The following RSRC1 variants were observed in gnomAD, a reference collection of about 807,000 sequenced individuals.
RSRC1 encodes the protein serine/Arginine-related protein 53.
In RSRC1, 39 loss-of-function variants were observed where a neutral mutation model predicts 49.1. That is an observed-to-expected ratio of 0.79 (90% CI 0.61 to 1.04). The LOEUF is 1.04. Among genes scored for constraint, RSRC1 ranks in the 50% least tolerant of loss-of-function variants. The probability of loss-of-function intolerance (pLI) is 0.00; values close to 1 mark genes in which losing one functional copy is unlikely to be tolerated. For missense variants in RSRC1, 388 were observed against 402.4 expected, an observed-to-expected ratio of 0.96 and a Z score of 0.31; for synonymous variants, 143 against 130.8, an observed-to-expected ratio of 1.09 and a Z score of -0.63.
chr3:158,412,013 A>T, intron 6 of RSRC1, among the ~76,000 whole-genome samples: 1 of 152,154 alleles, frequency 6.6e-6, no homozygotes, highest in Non-Finnish European at 1.5e-5. Flanking sequence ...TAAGCCATTG[A>T]TATCTTTGTT....
chr3:158,501,491 A>G (rs1739594261), intron 7 of RSRC1, among the ~76,000 whole-genome samples: 2 of 146,872 alleles, frequency 1.4e-5, no homozygotes, highest in African/African-American at 5.0e-5. Flanking sequence ...GTTGCTGTCT[A>G]TCTCATTTCT....
intron 3 of RSRC1, among the ~76,000 whole-genome samples, chr3:158,174,532 T>C (rs1719084324): frequency 6.6e-6 from 1 of 151,968 alleles, no homozygotes; most frequent in South Asian, 2.1e-4. Context: ...CATTATTATT[T>C]CCCAGTTCAC....
At chr3:158,161,497 C>G (rs111759095) in intron 3 of RSRC1, among the ~76,000 whole-genome samples, 4,507 of 152,276 alleles carry the variant, frequency 0.03, 231 homozygotes, top group African/African-American at 0.1. Flanking sequence ...TGCTGTGGCT[C>G]ACGCCTGTAA....
chr3:158,226,647 G>T (rs1347414109), intron 4 of RSRC1, among the ~76,000 whole-genome samples: 1 of 151,878 alleles, frequency 6.6e-6, no homozygotes, highest in African/African-American at 2.4e-5. Flanking sequence ...ACATGACTCA[G>T]CATCCCCTTT....
At chr3:158,231,470 G>T (rs904274066) in intron 4 of RSRC1, among the ~76,000 whole-genome samples, 42 of 151,976 alleles carry the variant, frequency 2.8e-4, no homozygotes, top group African/African-American at 9.4e-4. Context: ...ACATAAAATG[G>T]CTTCAAAATT....
chr3:158,462,996 CAT>C (rs948988536), intron 7 of RSRC1, among the ~76,000 whole-genome samples: 18 of 152,072 alleles, frequency 1.2e-4, no homozygotes, highest in African/African-American at 3.9e-4. Flanking sequence ...ATGCCTAACA[CAT>C]AGTAGAAACT....
At chr3:158,463,035 A>G (rs1737696843) in intron 7 of RSRC1, among the ~76,000 whole-genome samples, 1 of 152,046 alleles carries the variant, frequency 6.6e-6, no homozygotes, top group Non-Finnish European at 1.5e-5. Flanking sequence ...TGCATGATGA[A>G]TGAATAAATC....
chr3:158,145,854 T>C (rs1188247397), intron 3 of RSRC1, among the ~76,000 whole-genome samples: 2 of 152,196 alleles, frequency 1.3e-5, no homozygotes, highest in Admixed American at 6.5e-5. Flanking sequence ...TCACATCCCT[T>C]GTAAGTTGGA....
chr3:158,386,797 G>A (rs1156802947), intron 6 of RSRC1, among the ~76,000 whole-genome samples: 1 of 149,780 alleles, frequency 6.7e-6, no homozygotes, highest in Non-Finnish European at 1.5e-5. Context: ...ATGTTCACAG[G>A]ACCATAATGT....
intron 7 of RSRC1, among the ~76,000 whole-genome samples, chr3:158,525,073 T>C (rs2108493638): frequency 6.6e-6 from 1 of 152,148 alleles, no homozygotes; most frequent in East Asian, 1.9e-4. Context: ...TGATAGATTA[T>C]ACTTCCTTAA....
In RSRC1 at chr3:158,125,827, T is replaced by C. The variant is rs79645774; in HGVS notation, c.320+1836T>C. Among the ~76,000 whole-genome samples the C allele has an allele frequency of 7.5e-3, 1,145 of 152,286 alleles. 18 individuals are homozygous for C. Among genetic ancestry groups the C allele is most frequent in the African/African-American group, 0.027 (1,110 of 41,576 alleles). ...ATTGAAATACCCTACTATTACTATGTTACTAAATACTTCTCCCTTCCATTC... is the reference window on the plus strand; with the variant it reads ...ATTGAAATACCCTACTATTACTATGCTACTAAATACTTCTCCCTTCCATTC... On this transcript the variant is annotated intron_variant, in intron 3 of 9. Coordinates refer to ENST00000611884, the MANE Select transcript of RSRC1 (RefSeq NM_001271838.2).
intron 3 of RSRC1, among the ~76,000 whole-genome samples, chr3:158,137,564 T>C (rs1270570276): frequency 6.6e-6 from 1 of 151,972 alleles, no homozygotes; most frequent in Non-Finnish European, 1.5e-5. Flanking sequence ...TTGACCTTAT[T>C]TCCAAAAATT....
In RSRC1 at chr3:158,142,100, AAAAG is replaced by A. The variant is rs970350155; in HGVS notation, c.320+18131_320+18134del. Among the ~76,000 whole-genome samples, 221 of 152,188 alleles carry A rather than the reference AAAAG, an allele frequency of 1.5e-3. 2 individuals are homozygous for A. The highest frequency in any genetic ancestry group is 3.7e-3 in the African/African-American group (152 of 41,540). On this transcript the variant is annotated intron_variant, in intron 3 of 9. Transcript: ENST00000611884. ...GCAACAGAGCGAGACTCCGTCTCAA[AAAAG>A]AAAGAAAGAAAGAAAGAAAGATTTC...
intron 4 of RSRC1, among the ~76,000 whole-genome samples, chr3:158,285,518 C>G (rs181566547): frequency 6.6e-6 from 1 of 152,120 alleles, no homozygotes; most frequent in African/African-American, 2.4e-5. Context: ...TTCTTCCTAC[C>G]CATGAGCATG....
intron 4 of RSRC1, among the ~76,000 whole-genome samples, chr3:158,267,485 T>G (rs1578263517): frequency 6.6e-6 from 1 of 152,240 alleles, no homozygotes; most frequent in Non-Finnish European, 1.5e-5. Context: ...TACACATATG[T>G]TGGACCACTT....
At chr3:158,359,210 A>G (rs750561608) in intron 6 of RSRC1, among the ~76,000 whole-genome samples, 2 of 152,224 alleles carry the variant, frequency 1.3e-5, no homozygotes, top group Admixed American at 6.5e-5. Flanking sequence ...TATTGCCTCA[A>G]CTATACCATA....
chr3:158,499,166 A>T (rs1739481236), intron 7 of RSRC1, among the ~76,000 whole-genome samples: 1 of 152,120 alleles, frequency 6.6e-6, no homozygotes, highest in South Asian at 2.1e-4. Flanking sequence ...TCATGAGGTC[A>T]GGAGATTGAG....
intron 4 of RSRC1, among the ~76,000 whole-genome samples, chr3:158,256,215 T>G (rs775170594): frequency 6.6e-6 from 1 of 152,162 alleles, no homozygotes; most frequent in Non-Finnish European, 1.5e-5. Context: ...AAATAGCTCT[T>G]ATTGTTTTGA....
chr3:158,515,846 A>G (rs371523413), intron 7 of RSRC1, among the ~76,000 whole-genome samples: 1 of 151,768 alleles, frequency 6.6e-6, no homozygotes, highest in East Asian at 1.9e-4. Context: ...CATTTCATTC[A>G]TTTCATCTTC....
Sources: gnomAD v4.1 joint callset for allele counts (sites outside exome capture counted in the v4.1 genomes callset) on GRCh38, gnomAD v4.1.1 for gene constraint, MANE v1.5 for transcripts, NCBI Gene and HGNC (gene_info 2026-07-23, HGNC 2026-07-21) for gene names.